The following TDRD3 variants were observed in gnomAD, a reference collection of about 807,000 sequenced individuals.
The protein encoded by TDRD3 is tudor domain-containing protein 3.
A neutral mutation model predicts 86.7 loss-of-function variants in TDRD3; 45 were observed. The observed-to-expected ratio is 0.52, with a 90% confidence interval of 0.41 to 0.67. The LOEUF is 0.67. Among genes scored for constraint, TDRD3 ranks in the 30% least tolerant of loss-of-function variants. TDRD3 has a pLI of 0.00. For missense variants in TDRD3, 814 were observed against 889.0 expected, an observed-to-expected ratio of 0.92 and a Z score of 1.07; for synonymous variants, 298 against 301.7, an observed-to-expected ratio of 0.99 and a Z score of 0.13.
chr13:60,485,650 T>G (rs1318320793), intron 6 of TDRD3, 149 bp from the exon 7 acceptor site: 1 of 584,096 alleles, frequency 1.7e-6, no homozygotes. Flanking sequence ...CTACTTTTAC[T>G]TTTAAATATA....
chr13:60,551,120 A>G (rs1476247788), intron 12 of TDRD3, among the ~76,000 whole-genome samples: 2 of 152,224 alleles, frequency 1.3e-5, no homozygotes, highest in African/African-American at 4.8e-5. Flanking sequence ...GTCTACTTAT[A>G]TAAACCTTTA....
chr13:60,466,896 G>T (rs1034032058), intron 4 of TDRD3, among the ~76,000 whole-genome samples: 1 of 152,098 alleles, frequency 6.6e-6, no homozygotes, highest in Admixed American at 6.6e-5. Flanking sequence ...TTTGGTGTTA[G>T]TGCATTTTGA....
At chr13:60,484,516 A>G (rs1956385673) in intron 6 of TDRD3, among the ~76,000 whole-genome samples, 1 of 151,802 alleles carries the variant, frequency 6.6e-6, no homozygotes, top group African/African-American at 2.4e-5. Context: ...CTGTGTTTCC[A>G]TAATAAGGTT....
At chr13:60,491,729 G>A (rs550377487) in intron 7 of TDRD3, among the ~76,000 whole-genome samples, 1 of 151,880 alleles carries the variant, frequency 6.6e-6, no homozygotes, top group Non-Finnish European at 1.5e-5. Context: ...GTATGACCAT[G>A]CATTTACCAA....
At chr13:60,421,104 A>G (rs529883557) in intron 1 of TDRD3, among the ~76,000 whole-genome samples, 63 of 152,230 alleles carry the variant, frequency 4.1e-4, no homozygotes, top group African/African-American at 1.4e-3. Flanking sequence ...TTTCAGGTTA[A>G]TTTGGGAATT....
intron 10 of TDRD3, among the ~76,000 whole-genome samples, chr13:60,519,432 A>T (rs551054609): frequency 6.6e-6 from 1 of 152,334 alleles, no homozygotes; most frequent in East Asian, 1.9e-4. Flanking sequence ...AGTGCCTCGT[A>T]TATAAATACC....
intron 3 of TDRD3, among the ~76,000 whole-genome samples, chr13:60,454,110 C>T (rs1955609396): frequency 1.3e-5 from 2 of 151,714 alleles, no homozygotes; most frequent in Non-Finnish European, 2.9e-5. Flanking sequence ...TTACTTCTTT[C>T]CCTATTTTGA....
At chr13:60,447,896 C>T (rs979169080) in intron 3 of TDRD3, among the ~76,000 whole-genome samples, 3 of 152,108 alleles carry the variant, frequency 2.0e-5, no homozygotes, top group Admixed American at 1.3e-4. Context: ...CCTCCATTAA[C>T]GTTGTGTGGT....
intron 3 of TDRD3, among the ~76,000 whole-genome samples, chr13:60,448,324 G>A (rs1649324774): frequency 6.6e-6 from 1 of 152,166 alleles, no homozygotes; most frequent in Admixed American, 6.6e-5. Context: ...CTGAAGCTTT[G>A]AAACTGAAGT....
At chr13:60,430,338 G>C (rs1037161509) in intron 1 of TDRD3, among the ~76,000 whole-genome samples, 3 of 152,176 alleles carry the variant, frequency 2.0e-5, no homozygotes. Context: ...AATGCTATGA[G>C]TGCAGTAGTC....
intron 1 of TDRD3, among the ~76,000 whole-genome samples, chr13:60,410,444 A>C (rs1012131938): frequency 6.6e-6 from 1 of 152,132 alleles, no homozygotes; most frequent in Non-Finnish European, 1.5e-5. Context: ...TGTATGTGTT[A>C]CTGTTAGGAC....
intron 8 of TDRD3, among the ~76,000 whole-genome samples, chr13:60,495,358 A>G (rs1009180495): frequency 2.6e-5 from 4 of 152,244 alleles, no homozygotes; most frequent in African/African-American, 9.6e-5. Flanking sequence ...TTATCAAGAC[A>G]GGGGAATTGC....
At chr13:60,449,577 T>A (rs771593708) in intron 3 of TDRD3, among the ~76,000 whole-genome samples, 38 of 152,104 alleles carry the variant, frequency 2.5e-4, no homozygotes, top group Non-Finnish European at 4.9e-4. Context: ...TACTTTGTGA[T>A]TGAATACGAG....
At chr13:60,535,080 A>T (rs921131985) in intron 11 of TDRD3, 28 bp from the exon 12 acceptor site, 1 of 1,611,880 alleles carries the variant, frequency 6.2e-7, no homozygotes, top group South Asian at 1.1e-5. Context: ...ACCAGTTGTC[A>T]TATTTAAAAC....
At chr13:60,525,208 C>T in intron 10 of TDRD3, among the ~76,000 whole-genome samples, 1 of 95,344 alleles carries the variant, frequency 1.0e-5, no homozygotes, top group Non-Finnish European at 1.9e-5. Context: ...AGATCTCTGT[C>T]TGTCGCCCAG....
intron 1 of TDRD3, among the ~76,000 whole-genome samples, chr13:60,430,748 C>T (rs9538697): frequency 0.46 from 69,942 of 151,558 alleles, 16,513 homozygotes; most frequent in South Asian, 0.55. Flanking sequence ...TTTTTAATAC[C>T]AAATAAGCAT....
At chr13:60,451,877 T>C (rs1955552849) in intron 3 of TDRD3, among the ~76,000 whole-genome samples, 1 of 152,186 alleles carries the variant, frequency 6.6e-6, no homozygotes, top group South Asian at 2.1e-4. Flanking sequence ...ATTAAGACTC[T>C]TAAAAATATC....
upstream of TDRD3, among the ~76,000 whole-genome samples, chr13:60,396,250 C>T (rs898841153): frequency 4.6e-5 from 7 of 152,184 alleles, no homozygotes; most frequent in Non-Finnish European, 8.8e-5. Context: ...GGGACGCTGC[C>T]CCTTAGAAGC....
intron 1 of TDRD3, among the ~76,000 whole-genome samples, chr13:60,429,462 C>T (rs971022513): frequency 6.6e-6 from 1 of 152,146 alleles, no homozygotes. Context: ...CTTACTAGCT[C>T]TTTCTTGACA....
Sources: gnomAD v4.1 joint callset for allele counts (sites outside exome capture counted in the v4.1 genomes callset) on GRCh38, gnomAD v4.1.1 for gene constraint, MANE v1.5 for transcripts, NCBI Gene and HGNC (gene_info 2026-07-23, HGNC 2026-07-21) for gene names.